GPHN: variants seen among roughly 807,000 people sequenced by gnomAD.
GPHN encodes the protein gephyrin.
Under a neutral mutation model 95.5 loss-of-function variants are expected in GPHN, and 17 were observed. The ratio of observed to expected loss-of-function variants is 0.18; its 90% CI spans 0.12 to 0.27. The LOEUF is 0.27. GPHN is among the 10% of genes least tolerant of loss of function. GPHN has a pLI of 1.00. For synonymous variants in GPHN, 320 were observed against 322.5 expected (o/e 0.99, Z 0.08); for missense variants, 660 against 978.1 (o/e 0.67, Z 4.34).
At chr14:66,775,596 T>C (rs981200602) in intron 2 of GPHN, among the ~76,000 whole-genome samples, 3 of 152,238 alleles carry the variant, frequency 2.0e-5, no homozygotes, top group African/African-American at 7.2e-5. Flanking sequence ...TTTACACTTT[T>C]GTACATCTCA....
intron 2 of GPHN, chr14:66,709,235 T>C (rs2069378773): frequency 2.8e-6 from 1 of 363,050 alleles, no homozygotes; most frequent in Non-Finnish European, 5.7e-6. Context: ...ACAACCATTC[T>C]TTTAAACATA....
chr14:67,550,414 C>G, the GPHN span, among the ~76,000 whole-genome samples: 1 of 152,208 alleles, frequency 6.6e-6, no homozygotes, highest in Non-Finnish European at 1.5e-5. Context: ...GTCTCCAAGT[C>G]CTGAGCTCAA....
At chr14:66,756,588 G>T (rs1360373028) in intron 2 of GPHN, among the ~76,000 whole-genome samples, 1 of 152,006 alleles carries the variant, frequency 6.6e-6, no homozygotes, top group African/African-American at 2.4e-5. Flanking sequence ...AAAATTGTTT[G>T]CTCCAAGAAC....
chr14:67,288,666 CTT>C, the GPHN span, among the ~76,000 whole-genome samples: 3 of 152,140 alleles, frequency 2.0e-5, no homozygotes, highest in African/African-American at 7.2e-5. Context: ...TTTTAAGACA[CTT>C]TAAGGCTGTT....
intron 5 of GPHN, among the ~76,000 whole-genome samples, chr14:66,906,429 A>G (rs1596333581): frequency 6.6e-6 from 1 of 152,146 alleles, no homozygotes; most frequent in African/African-American, 2.4e-5. Context: ...ACTTTTTCCA[A>G]TGTTAAAACA....
rs147844876 is a variant in GPHN, at chr14:66,528,468, G to T, written c.64+19877G>T. Among the ~76,000 whole-genome samples, 21 of 152,216 alleles carry T rather than the reference G, an allele frequency of 1.4e-4. No homozygotes were observed. The East Asian group carries it at 4.0e-3, about 29-fold the overall frequency. Reference sequence around the variant, plus strand: ...GGGCATTTAGCCCATTTACCTTTAAGGTAAATATTGTTATGTGTGAATCTG... The same window carrying T: ...GGGCATTTAGCCCATTTACCTTTAATGTAAATATTGTTATGTGTGAATCTG... On this transcript the variant is annotated intron_variant, in intron 1 of 22. Transcript: ENST00000478722.
At position 67,143,394 on chromosome 14, in the gene GPHN, G is replaced by C; in HGVS notation, c.1781G>C (p.Gly594Ala). ...GACTTACTCAATGCCTTGAATGAGG[G>C]TATCAGTCGTGCTGATGTCATCATC... ...PDDLLNALNE[G>A]ISRADVIITS... Residue 594 changes from glycine to alanine, a missense_variant, in exon 18 of 23, where the codon GGT becomes GCT. This residue lies in a region of GPHN where 257 missense variants were observed against 376.2 expected (regional missense o/e 0.68). Coordinates refer to ENST00000478722, the MANE Select transcript of GPHN (RefSeq NM_020806.5). The C allele has an allele frequency of 2.5e-6, 4 of 1,611,198 alleles. No homozygotes were observed. Among genetic ancestry groups the C allele is most frequent in the Non-Finnish European group, 2.5e-6 (3 of 1,177,398 alleles).
At chr14:67,078,746 A>C (rs2076585915) in intron 11 of GPHN, among the ~76,000 whole-genome samples, 2 of 152,156 alleles carry the variant, frequency 1.3e-5, no homozygotes, top group South Asian at 4.1e-4. Flanking sequence ...AGAGATACGG[A>C]TATAGCAGCT....
intron 1 of GPHN, among the ~76,000 whole-genome samples, chr14:66,567,616 G>C (rs1034022615): frequency 6.6e-6 from 1 of 152,094 alleles, no homozygotes. Flanking sequence ...TATTTCCTTA[G>C]GGAATGATAA....
intron 2 of GPHN, among the ~76,000 whole-genome samples, chr14:66,686,783 T>C (rs1007107512): frequency 1.4e-4 from 21 of 152,120 alleles, no homozygotes; most frequent in African/African-American, 5.1e-4. Context: ...ACTTCCAACA[T>C]TATGTTGAAT....
At chr14:67,006,435 C>T (rs1216714018) in intron 9 of GPHN, among the ~76,000 whole-genome samples, 2 of 152,162 alleles carry the variant, frequency 1.3e-5, no homozygotes, top group Non-Finnish European at 1.5e-5. Context: ...TATACCAACA[C>T]TCAGCAATTA....
chr14:67,674,415 T>C, the GPHN span: 2 of 1,607,402 alleles, frequency 1.2e-6, no homozygotes, highest in Non-Finnish European at 1.7e-6. Context: ...GCACCCCTTG[T>C]AGGTCTTCAT....
chr14:66,629,094 T>TAA (rs1239054577), intron 1 of GPHN, among the ~76,000 whole-genome samples: 57 of 135,754 alleles, frequency 4.2e-4, no homozygotes, highest in South Asian at 1.3e-3. Context: ...TATATATATA[T>TAA]AAATATATAT....
intron 2 of GPHN, among the ~76,000 whole-genome samples, chr14:66,687,843 C>CAGAGATTGTGTT (rs2067496633): frequency 6.6e-6 from 1 of 152,072 alleles, no homozygotes; most frequent in Admixed American, 6.6e-5. Context: ...TGTTTGTGTC[C>CAGAGATTGTGTT]TCTTCAATTT....
the GPHN span, among the ~76,000 whole-genome samples, chr14:67,257,305 T>G: frequency 6.6e-6 from 1 of 152,130 alleles, no homozygotes; most frequent in Non-Finnish European, 1.5e-5. Flanking sequence ...CTGAGTTCTG[T>G]CTGTCCTTTA....
intron 2 of GPHN, among the ~76,000 whole-genome samples, chr14:66,773,698 T>C (rs902311140): frequency 3.3e-5 from 5 of 152,142 alleles, no homozygotes; most frequent in African/African-American, 1.2e-4. Flanking sequence ...GTGACTCTCT[T>C]TTGCTTTAGA....
chr14:67,212,654 TA>T, the GPHN span, among the ~76,000 whole-genome samples: 5 of 146,590 alleles, frequency 3.4e-5, no homozygotes, highest in African/African-American at 1.2e-4. Context: ...CATATATATA[TA>T]ATATATATTT....
At chr14:67,656,524 T>G in the GPHN span, 1 of 1,614,002 alleles carries the variant, frequency 6.2e-7, no homozygotes, top group Non-Finnish European at 8.5e-7. Flanking sequence ...GTTCAATACT[T>G]TGGGTGGCCC....
chr14:67,504,713 T>A, the GPHN span, among the ~76,000 whole-genome samples: 1 of 152,114 alleles, frequency 6.6e-6, no homozygotes, highest in Admixed American at 6.6e-5. Context: ...GGTGAAACCC[T>A]GTCTCTACTA....
Sources: allele counts gnomAD v4.1 joint callset (sites outside exome capture counted in the v4.1 genomes callset), GRCh38; gene constraint gnomAD v4.1.1; regional missense constraint gnomAD v4.1.1; transcripts MANE v1.5; gene names NCBI Gene and HGNC (gene_info 2026-07-23, HGNC 2026-07-21).